The following ETFA variants were observed in gnomAD, a reference collection of about 807,000 sequenced individuals.
ETFA encodes electron transfer flavoprotein subunit alpha.
A neutral mutation model predicts 46.2 loss-of-function variants in ETFA; 22 were observed. The ratio of observed to expected loss-of-function variants is 0.48; its 90% CI spans 0.34 to 0.68. The LOEUF (loss-of-function observed/expected upper bound fraction) is 0.68, where lower values mean the gene tolerates loss of function less well. Among genes scored for constraint, ETFA ranks in the 30% least tolerant of loss-of-function variants. The pLI is 0.01. For synonymous variants in ETFA, 131 were observed against 139.9 expected (o/e 0.94, Z 0.45); for missense variants, 345 against 401.1 (o/e 0.86, Z 1.19).
In ETFA at chr15:76,216,577, C is replaced by G; in HGVS notation, c.984G>C (p.Glu328Asp). ...TCCTGATTCATTTTTTCTTCAATAT[C>G]TCAGTCATTTCAGGAACTACCTGCA... ...DLFKVVPEMT[E>D]ILKKK Residue 328 changes from glutamate to aspartate, a missense_variant, in exon 12 of 12, where the codon GAG (glutamate) becomes GAC (aspartate). Coordinates refer to ENST00000557943, the MANE Select transcript of ETFA (RefSeq NM_000126.4). 1 of 1,590,848 alleles carries G rather than the reference C, an allele frequency of 6.3e-7. No homozygotes were observed. The highest frequency in any genetic ancestry group is 1.1e-5 in the South Asian group (1 of 90,490).
intron 1 of ETFA, chr15:76,310,157 A>T (rs2039980462): frequency 6.4e-6 from 1 of 157,020 alleles, no homozygotes; most frequent in Non-Finnish European, 1.4e-5. Context: ...GAGGTGGGAG[A>T]ATCGCTTGAA....
In ETFA at chr15:76,277,695, G is replaced by A. The variant is rs553893724; in HGVS notation, c.734-3201C>T. 3.3e-5 allele frequency among the ~76,000 whole-genome samples: 5 copies of A among 152,228 alleles called. No individual in the cohort carries two copies. In the South Asian group the frequency reaches 1.0e-3, roughly 32 times the overall value. On this transcript the variant is annotated intron_variant, in intron 8 of 11. Transcript: ENST00000557943. The stretch of plus-strand genomic sequence containing the variant: ...TTTTTGTATTTTTAGTACAGATGGG[G>A]TTTCGCCAAGTTGGCCAGGCTGGTC...
chr15:76,288,917 C>CTTT (rs1380290288), intron 4 of ETFA, among the ~76,000 whole-genome samples: 41 of 14,320 alleles, frequency 2.9e-3, no homozygotes, highest in Non-Finnish European at 7.0e-3. Context: ...TCTTCTTCTT[C>CTTT]TTCTTTTTTT....
chr15:76,224,455 T>G (rs2038985518), intron 11 of ETFA, among the ~76,000 whole-genome samples: 1 of 152,222 alleles, frequency 6.6e-6, no homozygotes, highest in Non-Finnish European at 1.5e-5. Flanking sequence ...TCCTAGTCTT[T>G]GCATGCAGTC....
intron 11 of ETFA, among the ~76,000 whole-genome samples, chr15:76,219,494 A>G (rs2038933523): frequency 6.6e-6 from 1 of 152,254 alleles, no homozygotes; most frequent in Admixed American, 6.5e-5. Flanking sequence ...TCAAAATCTA[A>G]AACTCTTGCA....
At chr15:76,271,768 T>C (rs570646990) in intron 9 of ETFA, among the ~76,000 whole-genome samples, 5 of 152,304 alleles carry the variant, frequency 3.3e-5, no homozygotes, top group African/African-American at 7.2e-5. Flanking sequence ...CATAAAAATA[T>C]AGGTTTTTTG....
At chr15:76,282,201 C>A (rs1211271385) in intron 8 of ETFA, among the ~76,000 whole-genome samples, 4 of 152,074 alleles carry the variant, frequency 2.6e-5, no homozygotes, top group Non-Finnish European at 5.9e-5. Context: ...ACCACGCCTG[C>A]CATGTATCCT....
At chr15:76,217,196 G>A (rs569753447) in intron 11 of ETFA, among the ~76,000 whole-genome samples, 4 of 152,074 alleles carry the variant, frequency 2.6e-5, no homozygotes, top group Non-Finnish European at 5.9e-5. Flanking sequence ...TCTTGTCTGG[G>A]TGAAGAGTAC....
intron 4 of ETFA, among the ~76,000 whole-genome samples, chr15:76,291,648 G>A (rs1342579420): frequency 3.3e-5 from 5 of 151,938 alleles, no homozygotes; most frequent in Admixed American, 6.6e-5. Context: ...TACTCGGGAG[G>A]CTGAGGCAGG....
chr15:76,309,931 C>T (rs1784601205), intron 1 of ETFA: 1 of 152,502 alleles, frequency 6.6e-6, no homozygotes, highest in South Asian at 2.0e-4. Flanking sequence ...GGAATACGCA[C>T]AAGAAAAAAG....
chr15:76,269,074 T>C (rs930614254), intron 9 of ETFA, among the ~76,000 whole-genome samples: 12 of 151,894 alleles, frequency 7.9e-5, no homozygotes, highest in South Asian at 6.3e-4. Context: ...ATTAAGGCCA[T>C]TGGAAGCTCT....
chr15:76,298,988 C>T (rs1353130647), intron 1 of ETFA, among the ~76,000 whole-genome samples: 2 of 152,172 alleles, frequency 1.3e-5, no homozygotes, highest in African/African-American at 4.8e-5. Context: ...TGCCTCTCTA[C>T]ACTTTAGGAT....
rs566770629 is a variant in ETFA at position 76,305,720 on chromosome 15, C to T, written c.39+5630G>A. Among the ~76,000 whole-genome samples, 8 of 152,278 alleles carry T rather than the reference C, an allele frequency of 5.3e-5. No individual in the cohort carries two copies. The East Asian group carries it at 1.3e-3, about 26-fold the overall frequency. On this transcript the variant is annotated intron_variant, in intron 1 of 11. Coordinates refer to ENST00000557943, the MANE Select transcript of ETFA (RefSeq NM_000126.4). ...CAGACACCAACTCTTATTACCTCAC[C>T]TTCCATTTTTTCAGTTACTCATGCA...
At chr15:76,280,255 G>A (rs2039634457) in intron 8 of ETFA, among the ~76,000 whole-genome samples, 1 of 151,956 alleles carries the variant, frequency 6.6e-6, no homozygotes, top group Non-Finnish European at 1.5e-5. Context: ...ACATCTCAAA[G>A]GTTAATATGC....
At chr15:76,274,932 G>A (rs906230102) in intron 8 of ETFA, among the ~76,000 whole-genome samples, 8 of 152,054 alleles carry the variant, frequency 5.3e-5, no homozygotes, top group Admixed American at 6.6e-5. Context: ...TTCAACAGGA[G>A]TCAACAATGA....
At chr15:76,246,938 TAC>T (rs1567202285) in intron 9 of ETFA, among the ~76,000 whole-genome samples, 1 of 152,208 alleles carries the variant, frequency 6.6e-6, no homozygotes, top group Non-Finnish European at 1.5e-5. Context: ...CAAGAAAATC[TAC>T]AGATAAATTA....
At chr15:76,227,057 T>G (rs1397846783) in intron 10 of ETFA, among the ~76,000 whole-genome samples, 1 of 152,064 alleles carries the variant, frequency 6.6e-6, no homozygotes, top group Non-Finnish European at 1.5e-5. Flanking sequence ...ATTACTTATA[T>G]CTCTTATAAA....
intron 9 of ETFA, among the ~76,000 whole-genome samples, chr15:76,250,219 ATTG>A (rs1313661608): frequency 1.3e-5 from 1 of 79,086 alleles, no homozygotes; most frequent in Non-Finnish European, 3.2e-5. Flanking sequence ...TGTAAGATGG[ATTG>A]AAAAAAAGAT....
At chr15:76,259,846 G>A in intron 9 of ETFA, 1 of 1,502,562 alleles carries the variant, frequency 6.7e-7, no homozygotes, top group Non-Finnish European at 9.2e-7. Flanking sequence ...CCCCAAGCCA[G>A]GAGGTGAGCA....
Sources: gnomAD v4.1 joint callset for allele counts (sites outside exome capture counted in the v4.1 genomes callset) on GRCh38, gnomAD v4.1.1 for gene constraint, MANE v1.5 for transcripts, NCBI Gene and HGNC (gene_info 2026-07-23, HGNC 2026-07-21) for gene names.